EIPR1: variants seen among roughly 807,000 people sequenced by gnomAD.
The protein encoded by EIPR1 is EARP complex and GARP complex interacting protein 1, also known as EARP and GARP complex-interacting protein 1.
In EIPR1, 25 loss-of-function variants were observed where a neutral mutation model predicts 48.1. That is an observed-to-expected ratio of 0.52 (90% confidence interval 0.38 to 0.73). The LOEUF is 0.73. Among genes scored for constraint, EIPR1 ranks in the 30% least tolerant of loss-of-function variants. The pLI, the probability that EIPR1 is intolerant of heterozygous loss-of-function variation, is 0.00. For missense variants in EIPR1, 415 were observed against 506.2 expected, an observed-to-expected ratio of 0.82 and a Z score of 1.73; for synonymous variants, 204 against 201.9, an observed-to-expected ratio of 1.01 and a Z score of -0.09.
At chr2:3,376,292 A>C (rs543116257) in intron 1 of EIPR1, among the ~76,000 whole-genome samples, 1 of 152,318 alleles carries the variant, frequency 6.6e-6, no homozygotes, top group South Asian at 2.1e-4. Context: ...ACCGAGGCCC[A>C]AGGTCACATA....
intron 3 of EIPR1, among the ~76,000 whole-genome samples, chr2:3,324,793 C>T (rs1013850683): frequency 3.3e-5 from 5 of 152,204 alleles, no homozygotes; most frequent in South Asian, 2.1e-4. Flanking sequence ...AGGCGGCCTG[C>T]GCGCTCAGAC....
chr2:3,242,350 C>T (rs111520443), intron 4 of EIPR1, among the ~76,000 whole-genome samples: 1 of 14,094 alleles, frequency 7.1e-5, no homozygotes, highest in Admixed American at 1.2e-3. Flanking sequence ...ATTTCAGGCC[C>T]CCGACTCCAC....
intron 8 of EIPR1, among the ~76,000 whole-genome samples, chr2:3,190,365 C>T (rs987031014): frequency 3.9e-5 from 6 of 152,188 alleles, no homozygotes; most frequent in African/African-American, 1.2e-4. Flanking sequence ...GCTTCACCCC[C>T]CCAGCAAGAC....
At chr2:3,369,409 G>C (rs2103391344) in intron 1 of EIPR1, among the ~76,000 whole-genome samples, 1 of 152,290 alleles carries the variant, frequency 6.6e-6, no homozygotes, top group Non-Finnish European at 1.5e-5. Context: ...AGCGAACCGT[G>C]CGCAAGCCGA....
intron 3 of EIPR1, among the ~76,000 whole-genome samples, chr2:3,323,508 A>G (rs964431998): frequency 6.6e-6 from 1 of 152,166 alleles, no homozygotes; most frequent in Non-Finnish European, 1.5e-5. Context: ...TTCATTCTGC[A>G]TTTTCTCCTT....
chr2:3,295,662 T>TCC, intron 3 of EIPR1, among the ~76,000 whole-genome samples: 1 of 128,802 alleles, frequency 7.8e-6, no homozygotes, highest in Non-Finnish European at 1.6e-5. Flanking sequence ...GCCCGTCCTC[T>TCC]CTACTCACAC....
intron 3 of EIPR1, among the ~76,000 whole-genome samples, chr2:3,285,568 C>A (rs966908695): frequency 6.6e-6 from 1 of 152,240 alleles, no homozygotes; most frequent in Non-Finnish European, 1.5e-5. Context: ...GCTCTGCCGA[C>A]CACATGGAGG....
In EIPR1 at chr2:3,278,710, C is replaced by T. The variant is rs546773229; in HGVS notation, c.260-21255G>A. ...AGGGCCCCCAGACCATCAGCGAGGT[C>T]GGCCCACCTCCAAAACCCAACTACA... is the stretch of plus-strand genomic sequence containing the variant. On this transcript the variant is annotated intron_variant, in intron 3 of 8. Coordinates refer to ENST00000382125, the MANE Select transcript of EIPR1 (RefSeq NM_003310.5). Among the ~76,000 whole-genome samples, 25 of 152,246 alleles carry T rather than the reference C, an allele frequency of 1.6e-4. No homozygotes were observed. In the South Asian group the frequency reaches 4.6e-3, roughly 28 times the overall value.
At chr2:3,246,290 A>C (rs890640275) in intron 4 of EIPR1, among the ~76,000 whole-genome samples, 2 of 152,154 alleles carry the variant, frequency 1.3e-5, no homozygotes, top group Non-Finnish European at 2.9e-5. Context: ...ATTTAACCTG[A>C]GCCAATTTCC....
chr2:3,273,317 C>T (rs1667752331), intron 3 of EIPR1, among the ~76,000 whole-genome samples: 2 of 152,164 alleles, frequency 1.3e-5, no homozygotes, highest in Admixed American at 6.5e-5. Flanking sequence ...AATGATAAAC[C>T]ACGGTTAGCT....
At chr2:3,219,119 G>T (rs1204369689) in intron 4 of EIPR1, among the ~76,000 whole-genome samples, 1 of 143,024 alleles carries the variant, frequency 7.0e-6, no homozygotes, top group Non-Finnish European at 1.5e-5. Context: ...CACCCAGCAT[G>T]GCCCTGGTAT....
At position 3,253,973 on chromosome 2, in the gene EIPR1, G is replaced by A. The variant is rs547165402; in HGVS notation, c.416+3326C>T. On this transcript the variant is annotated intron_variant, in intron 4 of 8. Coordinates refer to ENST00000382125, the MANE Select transcript of EIPR1 (RefSeq NM_003310.5). Reference sequence around the variant, plus strand: ...TGATGGCAGCTGGAGTGGTAGCGACGTGAGTGTGGGGAACCGTGTGGCATT... The same window carrying A: ...TGATGGCAGCTGGAGTGGTAGCGACATGAGTGTGGGGAACCGTGTGGCATT... 3.9e-5 allele frequency among the ~76,000 whole-genome samples: 6 copies of A among 152,272 alleles called. No homozygotes were observed. The South Asian group carries it at 6.2e-4, about 16-fold the overall frequency.
chr2:3,357,188 T>G (rs1415643128), intron 1 of EIPR1, among the ~76,000 whole-genome samples: 1 of 152,228 alleles, frequency 6.6e-6, no homozygotes, highest in Non-Finnish European at 1.5e-5. Flanking sequence ...CTTGAGCAGC[T>G]GCTCGGCCCA....
chr2:3,197,033 T>C lies in EIPR1; in HGVS notation c.517-16A>G. On this transcript the variant is annotated splice_polypyrimidine_tract_variant and intron_variant, in intron 5 of 8. Coordinates refer to ENST00000382125, the MANE Select transcript of EIPR1 (RefSeq NM_003310.5). ...AGCTGGCCAGCTGGGAGTGTCACGA[T>C]GTTTTCCAAAGGAAGAAGAAAAGAA... 2 of 1,612,932 alleles carry C rather than the reference T, an allele frequency of 1.2e-6. No individual in the cohort carries two copies. Among genetic ancestry groups the C allele is most frequent in the Non-Finnish European group, 1.7e-6 (2 of 1,179,636 alleles).
At chr2:3,203,464 G>A (rs564718101) in intron 5 of EIPR1, among the ~76,000 whole-genome samples, 3 of 152,356 alleles carry the variant, frequency 2.0e-5, no homozygotes, top group South Asian at 2.1e-4. Flanking sequence ...GGTAGTCAGC[G>A]ACAAAACAGA....
intron 2 of EIPR1, among the ~76,000 whole-genome samples, chr2:3,341,239 C>A (rs1015637131): frequency 6.6e-5 from 10 of 151,372 alleles, no homozygotes; most frequent in African/African-American, 1.9e-4. Context: ...TGAGAAAAAT[C>A]AGACACGAGA....
intron 4 of EIPR1, among the ~76,000 whole-genome samples, chr2:3,246,138 C>T (rs1206399723): frequency 1.3e-5 from 2 of 152,168 alleles, no homozygotes; most frequent in Admixed American, 6.5e-5. Context: ...GCCATAATCA[C>T]AGACAATTCC....
chr2:3,347,700 G>GA (rs1203534721), intron 2 of EIPR1, among the ~76,000 whole-genome samples: 1 of 152,094 alleles, frequency 6.6e-6, no homozygotes, highest in Non-Finnish European at 1.5e-5. Flanking sequence ...TTGAAAGCTG[G>GA]AAAAAAACAA....
intron 3 of EIPR1, among the ~76,000 whole-genome samples, chr2:3,273,031 G>A (rs571495179): frequency 6.9e-4 from 105 of 152,296 alleles, no homozygotes; most frequent in South Asian, 1.7e-3. Flanking sequence ...AGCTATCTAC[G>A]CGAAAACAGC....
Sources: allele counts gnomAD v4.1 joint callset (sites outside exome capture counted in the v4.1 genomes callset), GRCh38; gene constraint gnomAD v4.1.1; transcripts MANE v1.5; gene names NCBI Gene and HGNC (gene_info 2026-07-23, HGNC 2026-07-21).